The following BNC2 variants were observed in gnomAD, a reference collection of about 807,000 sequenced individuals.
BNC2 encodes basonuclin zinc finger protein 2.
In BNC2, 20 loss-of-function variants were observed where a neutral mutation model predicts 76.3. The observed-to-expected ratio is 0.26, with a 90% CI of 0.18 to 0.38. The LOEUF is 0.38. Among genes scored for constraint, BNC2 ranks in the 10% least tolerant of loss-of-function variants. The pLI is 1.00. For synonymous variants in BNC2, 582 were observed against 514.8 expected (o/e 1.13, Z -1.77); for missense variants, 1,382 against 1,399.8 (o/e 0.99, Z 0.20).
At chr9:16,562,126 T>G (rs567063673) in intron 4 of BNC2, among the ~76,000 whole-genome samples, 1 of 152,328 alleles carries the variant, frequency 6.6e-6, no homozygotes, top group South Asian at 2.1e-4. Flanking sequence ...TGTTCAGAAT[T>G]CAGACATCAT....
chr9:16,594,682 C>A (rs1415474), intron 3 of BNC2, among the ~76,000 whole-genome samples: 1 of 151,872 alleles, frequency 6.6e-6, no homozygotes, highest in South Asian at 2.1e-4. Context: ...GCTTGCATAA[C>A]ATTTCAAATA....
intron 1 of BNC2, among the ~76,000 whole-genome samples, chr9:16,813,367 G>A (rs1478974123): frequency 1.3e-5 from 2 of 151,406 alleles, no homozygotes; most frequent in African/African-American, 2.4e-5. Context: ...CCGGGTTCAC[G>A]CCATTCTCCT....
rs535105693 is a variant in BNC2, at chr9:16,527,826, C to G, written c.669+24704G>C. On this transcript the variant is annotated intron_variant, in intron 5 of 6. Transcript: ENST00000380672. ...ACAACTGCCTGTCACCCAAATGCAA[C>G]GCATCGCTACAAATTAAGGTGGGAG... Among the ~76,000 whole-genome samples, 11 of 152,294 alleles carry G rather than the reference C, an allele frequency of 7.2e-5. No homozygotes were observed. The South Asian group carries it at 2.1e-3, about 29-fold the overall frequency.
At chr9:16,825,546 C>CAT (rs771690071) in intron 1 of BNC2, among the ~76,000 whole-genome samples, 16 of 152,048 alleles carry the variant, frequency 1.1e-4, no homozygotes, top group East Asian at 7.8e-4. Flanking sequence ...TGCTTGCTGG[C>CAT]ATGTATGCTG....
At chr9:16,535,198 T>C (rs1240758545) in intron 5 of BNC2, among the ~76,000 whole-genome samples, 1 of 152,198 alleles carries the variant, frequency 6.6e-6, no homozygotes, top group Non-Finnish European at 1.5e-5. Context: ...CCATATGTTT[T>C]TAAAAGATGG....
At chr9:16,558,472 T>TCG (rs1263063798) in intron 4 of BNC2, among the ~76,000 whole-genome samples, 2 of 152,194 alleles carry the variant, frequency 1.3e-5, no homozygotes, top group Non-Finnish European at 2.9e-5. Flanking sequence ...CCCTGGAATC[T>TCG]TCTGTTACAT....
intron 1 of BNC2, among the ~76,000 whole-genome samples, chr9:16,750,500 T>C (rs911252915): frequency 4.6e-5 from 7 of 152,338 alleles, no homozygotes; most frequent in African/African-American, 1.7e-4. Flanking sequence ...ATCTATACAT[T>C]TGACCAGTAG....
At chr9:16,579,839 T>C (rs1186962170) in intron 4 of BNC2, 3 of 334,666 alleles carry the variant, frequency 9.0e-6, no homozygotes, top group Non-Finnish European at 1.6e-5. Flanking sequence ...AACAAATTTC[T>C]AAAAATCTGT....
intron 6 of BNC2, among the ~76,000 whole-genome samples, chr9:16,431,033 A>G (rs980347233): frequency 2.6e-5 from 4 of 152,254 alleles, no homozygotes; most frequent in Admixed American, 6.5e-5. Context: ...ACAAACCTTG[A>G]CAACTACTGG....
chr9:16,841,770 T>C (rs1339036680), intron 1 of BNC2, among the ~76,000 whole-genome samples: 1 of 152,016 alleles, frequency 6.6e-6, no homozygotes, highest in Non-Finnish European at 1.5e-5. Flanking sequence ...TTGCAAAAGA[T>C]GTATTTCCGA....
chr9:16,838,526 A>G (rs1818757289), intron 1 of BNC2, among the ~76,000 whole-genome samples: 1 of 152,140 alleles, frequency 6.6e-6, no homozygotes, highest in Non-Finnish European at 1.5e-5. Flanking sequence ...ACTCCATTGC[A>G]CTCCAGCCTG....
chr9:16,646,152 G>A (rs1821617373), intron 3 of BNC2, among the ~76,000 whole-genome samples: 1 of 152,214 alleles, frequency 6.6e-6, no homozygotes, highest in African/African-American at 2.4e-5. Context: ...GTGAACTGGA[G>A]GTCACCATTC....
At chr9:16,426,784 A>G (rs781210509) in intron 6 of BNC2, among the ~76,000 whole-genome samples, 8 of 152,114 alleles carry the variant, frequency 5.3e-5, no homozygotes, top group Non-Finnish European at 1.2e-4. Context: ...TTTACTTTTT[A>G]TTTGCACAGG....
intron 3 of BNC2, chr9:16,665,082 C>T (rs2134105843): frequency 2.2e-6 from 1 of 456,110 alleles, no homozygotes; most frequent in Middle Eastern, 3.3e-4. Context: ...ATCATAGCAA[C>T]TTTCAGCCGG....
intron 6 of BNC2, among the ~76,000 whole-genome samples, chr9:16,422,348 A>G (rs189937063): frequency 3.9e-5 from 6 of 152,264 alleles, no homozygotes; most frequent in East Asian, 3.9e-4. Context: ...CTTTTATTCA[A>G]TTAAGTGCCA....
chr9:16,732,405 G>A (rs1029379611), intron 2 of BNC2, among the ~76,000 whole-genome samples: 2 of 152,066 alleles, frequency 1.3e-5, no homozygotes, highest in African/African-American at 4.8e-5. Context: ...TGAGTTCTAT[G>A]TAAATATATA....
chr9:16,704,041 A>G (rs1313555089), intron 3 of BNC2, among the ~76,000 whole-genome samples: 1 of 152,242 alleles, frequency 6.6e-6, no homozygotes, highest in Non-Finnish European at 1.5e-5. Flanking sequence ...AACTATTATT[A>G]ATATATCCTT....
chr9:16,561,015 G>T (rs191552876), intron 4 of BNC2, among the ~76,000 whole-genome samples: 1 of 152,110 alleles, frequency 6.6e-6, no homozygotes, highest in East Asian at 1.9e-4. Context: ...AGCACTTTGG[G>T]ATCACCAGAG....
At chr9:16,610,357 C>T (rs1380559635) in intron 3 of BNC2, among the ~76,000 whole-genome samples, 1 of 152,132 alleles carries the variant, frequency 6.6e-6, no homozygotes, top group Non-Finnish European at 1.5e-5. Flanking sequence ...AAGGAACGGC[C>T]AGTGAGTAAC....
Sources: gnomAD v4.1 joint callset for allele counts (sites outside exome capture counted in the v4.1 genomes callset) on GRCh38, gnomAD v4.1.1 for gene constraint, MANE v1.5 for transcripts, NCBI Gene and HGNC (gene_info 2026-07-23, HGNC 2026-07-21) for gene names.